DPP10: variants seen among roughly 807,000 people sequenced by gnomAD.
DPP10 encodes dipeptidyl peptidase like 10.
DPP10 carries 33 observed loss-of-function variants against 120.9 expected under a neutral mutation model. The ratio of observed to expected loss-of-function variants is 0.27; its 90% CI spans 0.21 to 0.37. DPP10 has a LOEUF of 0.37. Ranked by LOEUF, DPP10 falls within the 10% of genes least tolerant of loss-of-function variation. DPP10 has a pLI of 1.00. For missense variants in DPP10, 816 were observed against 942.8 expected (o/e 0.87, Z 1.76); for synonymous variants, 337 against 326.1 (o/e 1.03, Z -0.36).
intron 1 of DPP10, among the ~76,000 whole-genome samples, chr2:115,270,512 C>T (rs1258377462): frequency 1.3e-5 from 2 of 152,068 alleles, no homozygotes; most frequent in Admixed American, 1.3e-4. Flanking sequence ...AAGAGGGGAG[C>T]TTATTCCCAT....
intron 3 of DPP10, among the ~76,000 whole-genome samples, chr2:115,478,480 A>G (rs2075231213): frequency 6.6e-6 from 1 of 152,180 alleles, no homozygotes; most frequent in Admixed American, 6.5e-5. Context: ...CAAAAGCCTC[A>G]AGATTTGGGT....
chr2:115,820,840 T>C (rs1283324384), intron 21 of DPP10, among the ~76,000 whole-genome samples: 1 of 147,612 alleles, frequency 6.8e-6, no homozygotes, highest in Non-Finnish European at 1.5e-5. Flanking sequence ...TGTGTGTATC[T>C]CACAATTTCT....
At chr2:114,457,724 G>C (rs1678659479) in intron 1 of DPP10, among the ~76,000 whole-genome samples, 1 of 152,092 alleles carries the variant, frequency 6.6e-6, no homozygotes. Context: ...TATAACAAGT[G>C]ATTTTTATTT....
At chr2:115,454,523 C>A (rs2073369554) in intron 3 of DPP10, among the ~76,000 whole-genome samples, 1 of 151,526 alleles carries the variant, frequency 6.6e-6, no homozygotes, top group African/African-American at 2.4e-5. Flanking sequence ...TTGAAAAATT[C>A]TAATAGTCAT....
intron 1 of DPP10, among the ~76,000 whole-genome samples, chr2:114,678,696 A>G (rs1342961330): frequency 6.6e-6 from 1 of 152,034 alleles, no homozygotes; most frequent in Non-Finnish European, 1.5e-5. Context: ...AGCTCAGTAA[A>G]CATTGGTGGA....
chr2:114,689,920 T>A (rs934053924), intron 1 of DPP10, among the ~76,000 whole-genome samples: 14 of 152,026 alleles, frequency 9.2e-5, no homozygotes, highest in African/African-American at 2.9e-4. Context: ...CCACTTTTTT[T>A]AATGGGGTTG....
chr2:115,708,976 T>G (rs1449546288), intron 7 of DPP10, among the ~76,000 whole-genome samples: 1 of 152,056 alleles, frequency 6.6e-6, no homozygotes, highest in Non-Finnish European at 1.5e-5. Context: ...AGAAGAGCAA[T>G]TGCTCACACA....
intron 1 of DPP10, among the ~76,000 whole-genome samples, chr2:115,265,175 G>C (rs2059408029): frequency 6.6e-6 from 1 of 151,802 alleles, no homozygotes; most frequent in Non-Finnish European, 1.5e-5. Flanking sequence ...AATAAAATTT[G>C]ATCTTGCCAA....
chr2:114,469,238 A>G (rs916854151), intron 1 of DPP10, among the ~76,000 whole-genome samples: 9 of 152,232 alleles, frequency 5.9e-5, no homozygotes, highest in African/African-American at 1.4e-4. Context: ...TGGCAAATGT[A>G]GGATGGGTAC....
chr2:114,802,258 G>C (rs2106285944), intron 1 of DPP10, among the ~76,000 whole-genome samples: 1 of 151,932 alleles, frequency 6.6e-6, no homozygotes, highest in Non-Finnish European at 1.5e-5. Context: ...ATAATGAGAG[G>C]GCAGGTATAA....
chr2:115,580,988 A>G (rs1017231695), intron 5 of DPP10, among the ~76,000 whole-genome samples: 1 of 152,200 alleles, frequency 6.6e-6, no homozygotes, highest in African/African-American at 2.4e-5. Context: ...GAGAGGTTAG[A>G]TCACTTAGCC....
At chr2:115,391,859 C>T (rs1462945841) in intron 3 of DPP10, among the ~76,000 whole-genome samples, 1 of 152,046 alleles carries the variant, frequency 6.6e-6, no homozygotes, top group African/African-American at 2.4e-5. Context: ...TTCCAGTTCA[C>T]TTCTTTGTTT....
At chr2:115,649,091 A>G (rs976766966) in intron 5 of DPP10, among the ~76,000 whole-genome samples, 1 of 152,140 alleles carries the variant, frequency 6.6e-6, no homozygotes, top group African/African-American at 2.4e-5. Flanking sequence ...GAGAAAATTC[A>G]TGCTTCTAGG....
At chr2:115,087,420 A>T (rs1311257094) in intron 1 of DPP10, among the ~76,000 whole-genome samples, 1 of 152,016 alleles carries the variant, frequency 6.6e-6, no homozygotes, top group African/African-American at 2.4e-5. Flanking sequence ...TCAGAATCAC[A>T]TGGCAGGTGA....
rs548088468 is a variant in DPP10, at chr2:114,634,202, G to T, written c.60+191364G>T. On this transcript the variant is annotated intron_variant, in intron 1 of 25. Transcript: ENST00000410059. The stretch of plus-strand genomic sequence containing the variant: ...TGCAGATTTTGGCACTTCTGCCTGT[G>T]TTTTATCATCTGCTATCTTTTTCTT... Among the ~76,000 whole-genome samples, 6 of 151,828 alleles carry T rather than the reference G, an allele frequency of 4.0e-5. No individual in the cohort carries two copies. The South Asian group carries it at 1.2e-3, about 31-fold the overall frequency.
intron 1 of DPP10, among the ~76,000 whole-genome samples, chr2:115,204,736 C>T (rs1157386578): frequency 6.6e-6 from 1 of 152,116 alleles, no homozygotes; most frequent in Non-Finnish European, 1.5e-5. Context: ...AGTGACAGCT[C>T]CTCCCGTGGG....
chr2:114,787,304 C>T (rs1682845889), intron 1 of DPP10, among the ~76,000 whole-genome samples: 1 of 152,032 alleles, frequency 6.6e-6, no homozygotes, highest in Non-Finnish European at 1.5e-5. Flanking sequence ...GTTTTAGAAA[C>T]GGAGAGAAAG....
At chr2:114,710,050 C>T (rs1327807913) in intron 1 of DPP10, among the ~76,000 whole-genome samples, 1 of 152,216 alleles carries the variant, frequency 6.6e-6, no homozygotes, top group East Asian at 1.9e-4. Flanking sequence ...TTCTCTCTTC[C>T]CACCAACTCT....
At chr2:115,544,033 AT>A (rs1401890439) in intron 5 of DPP10, among the ~76,000 whole-genome samples, 2 of 151,892 alleles carry the variant, frequency 1.3e-5, no homozygotes, top group Non-Finnish European at 2.9e-5. Context: ...GGTAAGGAAA[AT>A]AATTAAAGAA....
Sources: gnomAD v4.1 joint callset for allele counts (sites outside exome capture counted in the v4.1 genomes callset) on GRCh38, gnomAD v4.1.1 for gene constraint, MANE v1.5 for transcripts, NCBI Gene and HGNC (gene_info 2026-07-23, HGNC 2026-07-21) for gene names.